CERCAM: variants seen among roughly 807,000 people sequenced by gnomAD.
CERCAM encodes cerebral endothelial cell adhesion molecule, also known as inactive glycosyltransferase 25 family member 3.
A neutral mutation model predicts 66.0 loss-of-function variants in CERCAM; 59 were observed. That is an observed-to-expected ratio of 0.89 (90% CI 0.73 to 1.11). The LOEUF is 1.11. Among genes scored for constraint, CERCAM ranks in the 50% most tolerant of loss-of-function variants. The pLI is 0.00. For missense variants in CERCAM, 840 were observed against 828.3 expected, an observed-to-expected ratio of 1.01 and a Z score of -0.17; for synonymous variants, 318 against 343.6, an observed-to-expected ratio of 0.93 and a Z score of 0.83.
intron 8 of CERCAM, 114 bp from the exon 9 acceptor site, chr9:128,431,057 G>A: frequency 7.7e-7 from 1 of 1,305,650 alleles, no homozygotes; most frequent in Non-Finnish European, 1.1e-6. Context: ...TTACAAGGCA[G>A]AAACCTTCTT....
chr9:128,429,241 G>A (rs1833920939), intron 8 of CERCAM, among the ~76,000 whole-genome samples: 1 of 152,190 alleles, frequency 6.6e-6, no homozygotes, highest in African/African-American at 2.4e-5. Context: ...CTCACCAGAG[G>A]AGGAGAGCAC....
rs1295364278 is a variant in CERCAM, at chr9:128,437,238, A to G, written c.*390A>G. The G allele has an allele frequency of 1.3e-5, 2 of 152,024 alleles. No individual in the cohort carries two copies. Among genetic ancestry groups the G allele is most frequent in the African/African-American group, 2.4e-5 (1 of 41,154 alleles). The allele number at this position is 152,024 out of a possible 1,614,324, so 9.4% of individuals were successfully genotyped here. A position where few individuals can be genotyped will look rare whatever the true frequency, so the allele number is the denominator to read the frequency against. ...CCCAGCTTGATGTTTGGGTCTCCCCAGCACCCTCCTCCCTGGCCGGTGCAA... is the reference window on the plus strand; with the variant it reads ...CCCAGCTTGATGTTTGGGTCTCCCCGGCACCCTCCTCCCTGGCCGGTGCAA... On this transcript the variant is annotated 3_prime_UTR_variant, in exon 13 of 13. Coordinates refer to ENST00000372838, the MANE Select transcript of CERCAM (RefSeq NM_016174.5).
intron 11 of CERCAM, among the ~76,000 whole-genome samples, chr9:128,435,306 G>A (rs1834081841): frequency 6.6e-6 from 1 of 151,982 alleles, no homozygotes; most frequent in Non-Finnish European, 1.5e-5. Context: ...CTCAATTTTT[G>A]TGTTTTTAGT....
At chr9:128,436,066 GT>G (rs1185744989) in intron 12 of CERCAM, among the ~76,000 whole-genome samples, 161 bp downstream of exon 12, 1 of 151,754 alleles carries the variant, frequency 6.6e-6, no homozygotes, top group Non-Finnish European at 1.5e-5. Context: ...TTGTTTGTTT[GT>G]TTTTTTTAGA....
chr9:128,423,920 A>T, intron 3 of CERCAM: 1 of 552,102 alleles, frequency 1.8e-6, no homozygotes, highest in Non-Finnish European at 3.2e-6. Flanking sequence ...GTCTTAGATC[A>T]GTAACTCAGG....
intron 5 of CERCAM, 55 bp from the exon 6 acceptor site, chr9:128,428,247 T>C: frequency 6.3e-7 from 1 of 1,594,390 alleles, no homozygotes; most frequent in Non-Finnish European, 8.6e-7. Context: ...ACCTTTCAGC[T>C]GGGTTCTGAG....
intron 3 of CERCAM, 79 bp downstream of exon 3, chr9:128,423,342 T>G (rs1588614950): frequency 8.3e-7 from 1 of 1,199,380 alleles, no homozygotes; most frequent in Non-Finnish European, 1.2e-6. Flanking sequence ...ATAGGCTGGG[T>G]GCAGTGGCTC....
At chr9:128,423,089 C>CACTGCT in intron 2 of CERCAM, 57 bp from the exon 3 acceptor site, 1 of 1,287,038 alleles carries the variant, frequency 7.8e-7, no homozygotes. Flanking sequence ...TGTCCACTGC[C>CACTGCT]CTGCAGAGAG....
rs139445829 is a variant in CERCAM at position 128,434,767 on chromosome 9, C to T, written c.1535+154C>T. 2.0e-5 allele frequency among the ~76,000 whole-genome samples: 3 copies of T among 152,266 alleles called. No individual in the cohort carries two copies. The highest frequency in any genetic ancestry group is 4.4e-5 in the Non-Finnish European group (3 of 68,026). On this transcript the variant is annotated intron_variant, in intron 11 of 12. Coordinates refer to ENST00000372838, the MANE Select transcript of CERCAM (RefSeq NM_016174.5). This position sits in a 1 kb window ranked among gnomAD's most constrained non-coding sequence, Gnocchi z 4.5. Reference sequence around the variant, plus strand: ...CCCAGGTCACCAAGGAGTGGCTCAGCCTAGCCTTAGAGTCAGTCCATTCTC... The same window carrying T: ...CCCAGGTCACCAAGGAGTGGCTCAGTCTAGCCTTAGAGTCAGTCCATTCTC...
chr9:128,423,235 C>A lies in CERCAM; in HGVS notation c.398C>A (p.Ala133Asp). 4 of 1,614,008 alleles carry A rather than the reference C, an allele frequency of 2.5e-6. No homozygotes were observed. Among genetic ancestry groups the A allele is most frequent in the Non-Finnish European group, 3.4e-6 (4 of 1,179,996 alleles). The change falls in exon 3 of 13, where the codon GCC (alanine) becomes GAC (aspartate). Residue 133 changes from alanine (A) to aspartate (D), a missense_variant. Transcript: ENST00000372838. ...CTGAAGCAGGAAGCCCTCACCTTTG[C>A]CAGGAACTGGGGGGCCGACTATATC... The part of the protein sequence containing the change: ...MELKQEALTF[A>D]RNWGADYILF...
chr9:128,436,632 G>C (rs113734826), intron 12 of CERCAM, among the ~76,000 whole-genome samples: 1 of 152,034 alleles, frequency 6.6e-6, no homozygotes, highest in East Asian at 1.9e-4. Context: ...CAGCCGTCTC[G>C]GTCTCCCAAA....
Position 128,432,653 on chromosome 9 carries a change from C to A in CERCAM, c.1203+1350C>A, listed in dbSNP as rs916497179. ...CCACCCACCTCAGCCTCCAAAAGTG[C>A]TGGAATTACAGGCATGAGCCACCGC... On this transcript the variant is annotated intron_variant, in intron 9 of 12. Coordinates refer to ENST00000372838, the MANE Select transcript of CERCAM (RefSeq NM_016174.5). 1.1e-4 allele frequency among the ~76,000 whole-genome samples: 17 copies of A among 152,296 alleles called. No individual in the cohort carries two copies. In the South Asian group the frequency reaches 3.5e-3, roughly 32 times the overall value.
intron 5 of CERCAM, among the ~76,000 whole-genome samples, chr9:128,426,488 C>T (rs948383559): frequency 3.9e-5 from 6 of 151,906 alleles, no homozygotes; most frequent in African/African-American, 1.5e-4. Context: ...GGCATGGTGG[C>T]GGGTGCCTAT....
Position 128,434,448 on chromosome 9 carries a change from C to A in CERCAM, c.1370C>A (p.Thr457Lys), listed in dbSNP as rs367921792. 2 of 1,614,008 alleles carry A rather than the reference C, an allele frequency of 1.2e-6. No individual in the cohort carries two copies. Among genetic ancestry groups the A allele is most frequent in the Admixed American group, 1.7e-5 (1 of 60,016 alleles). The change falls in exon 11 of 13, where the codon ACG (threonine) becomes AAG (lysine). Residue 457 changes from threonine (T) to lysine (K), a missense_variant. By Grantham distance (78) the Thr-to-Lys change is moderately conservative. Coordinates refer to ENST00000372838, the MANE Select transcript of CERCAM (RefSeq NM_016174.5). This position sits in a 1 kb window ranked among gnomAD's most constrained non-coding sequence, Gnocchi z 4.5. ...AAGCAGGTGAACCCTGAGAAGGAGA[C>A]GGCCGTGGAGGGGCTGCCGGGCCTG... ...GRKQVNPEKE[T>K]AVEGLPGLVV...
At chr9:128,420,024 C>T (rs1301870470), upstream of CERCAM, among the ~76,000 whole-genome samples, 1 of 152,168 alleles carries the variant, frequency 6.6e-6, no homozygotes, top group Non-Finnish European at 1.5e-5. This position sits in a 1 kb window ranked among gnomAD's most constrained non-coding sequence, Gnocchi z 5.0. Flanking sequence ...GCACCCGCCA[C>T]GACGCCCGGC....
chr9:128,421,357 C>A, intron 1 of CERCAM: 1 of 1,177,332 alleles, frequency 8.5e-7, no homozygotes, highest in Non-Finnish European at 1.0e-6. Context: ...TAGGTTGGGC[C>A]CAGCCAGCCC....
At chr9:128,421,612 G>A in intron 1 of CERCAM, 10 of 821,706 alleles carry the variant, frequency 1.2e-5, no homozygotes, top group Non-Finnish European at 1.5e-5. Flanking sequence ...GTAGATCTTG[G>A]TAGAGGGGCG....
chr9:128,427,178 T>C (rs1243665161), intron 5 of CERCAM, among the ~76,000 whole-genome samples: 2 of 151,996 alleles, frequency 1.3e-5, no homozygotes, highest in East Asian at 3.9e-4. Context: ...AGTGGCGCGA[T>C]TTTGGCTCAC....
chr9:128,422,595 CTTT>C (rs1833736039), intron 1 of CERCAM: 2 of 398,588 alleles, frequency 5.0e-6, no homozygotes, highest in South Asian at 1.1e-4. Flanking sequence ...CTTCTCTTAT[CTTT>C]GTCCATGACA....
Sources: gnomAD v4.1 joint callset for allele counts (sites outside exome capture counted in the v4.1 genomes callset) on GRCh38, gnomAD v4.1.1 for gene constraint, Gnocchi (gnomAD v3.1) non-coding constraint, MANE v1.5 for transcripts, NCBI Gene and HGNC (gene_info 2026-07-23, HGNC 2026-07-21) for gene names.